NECTIN3: variants seen among roughly 807,000 people sequenced by gnomAD.
The protein encoded by NECTIN3 is nectin-3.
In NECTIN3, 8 loss-of-function variants were observed where a neutral mutation model predicts 49.4. That is an observed-to-expected ratio of 0.16 (90% CI 0.10 to 0.29). The LOEUF (loss-of-function observed/expected upper bound fraction) is 0.29, where lower values mean the gene tolerates loss of function less well. Ranked by LOEUF, NECTIN3 falls within the 10% of genes least tolerant of loss-of-function variation. NECTIN3 has a pLI of 1.00. For synonymous variants in NECTIN3, 277 were observed against 241.1 expected (o/e 1.15, Z -1.38); for missense variants, 581 against 654.6 (o/e 0.89, Z 1.23).
At chr3:111,120,179 G>A (rs2033883252) in intron 3 of NECTIN3, among the ~76,000 whole-genome samples, 1 of 151,620 alleles carries the variant, frequency 6.6e-6, no homozygotes, top group Admixed American at 6.6e-5. Flanking sequence ...GGAAGTTAAT[G>A]TATTTTGCAT....
intron 7 of NECTIN3, among the ~76,000 whole-genome samples, chr3:111,179,003 T>C (rs2035581218): frequency 6.6e-6 from 1 of 152,236 alleles, no homozygotes; most frequent in African/African-American, 2.4e-5. Flanking sequence ...AAATCTTGGC[T>C]GTAATAAAAC....
At position 111,109,982 on chromosome 3, in the gene NECTIN3, A is replaced by G. The variant is rs2033384700; in HGVS notation, c.161-2048A>G. ...GTGTTTTAAATATTAATGTTTACAA[A>G]TTAAACCCTTTTCTGCAATAAATCT... On this transcript the variant is annotated intron_variant, in intron 1 of 5. Coordinates refer to ENST00000485303, the MANE Select transcript of NECTIN3 (RefSeq NM_015480.3). Among the ~76,000 whole-genome samples the G allele has an allele frequency of 2.0e-5, 3 of 152,028 alleles. 1 individual carries two copies. Among genetic ancestry groups the G allele is most frequent in the Admixed American group, 1.3e-4 (2 of 15,260 alleles).
chr3:111,165,972 C>T (rs1426842359), intron 7 of NECTIN3, among the ~76,000 whole-genome samples: 2 of 152,152 alleles, frequency 1.3e-5, no homozygotes, highest in Non-Finnish European at 2.9e-5. Context: ...AAATTAGGTG[C>T]TTCTTGTATC....
At chr3:111,100,552 G>A (rs1017756746) in intron 1 of NECTIN3, among the ~76,000 whole-genome samples, 5 of 151,830 alleles carry the variant, frequency 3.3e-5, no homozygotes, top group East Asian at 1.9e-4. Context: ...TTCAAAATAA[G>A]AAAAAAACAG....
chr3:111,160,562 ACT>A (rs1170671953), intron 7 of NECTIN3, among the ~76,000 whole-genome samples: 2 of 151,692 alleles, frequency 1.3e-5, no homozygotes, highest in Non-Finnish European at 2.9e-5. Flanking sequence ...TTTCATATCA[ACT>A]CTTTTTTACA....
chr3:111,078,000 C>A (rs1317554074), intron 1 of NECTIN3, among the ~76,000 whole-genome samples: 1 of 152,160 alleles, frequency 6.6e-6, no homozygotes, highest in African/African-American at 2.4e-5. Context: ...ATCATTTCAG[C>A]ATGCAATTGT....
At chr3:111,087,334 A>ATT (rs1251198732) in intron 1 of NECTIN3, among the ~76,000 whole-genome samples, 1 of 152,032 alleles carries the variant, frequency 6.6e-6, no homozygotes, top group African/African-American at 2.4e-5. Context: ...ATTAAGTATA[A>ATT]TTTTTTTGTA....
At chr3:111,080,495 A>G (rs895438142) in intron 1 of NECTIN3, among the ~76,000 whole-genome samples, 4 of 152,178 alleles carry the variant, frequency 2.6e-5, no homozygotes, top group African/African-American at 9.6e-5. Flanking sequence ...CTTTGAGGAT[A>G]CTACTGTTGC....
chr3:111,104,066 T>G (rs2033052232), intron 1 of NECTIN3, among the ~76,000 whole-genome samples: 1 of 152,204 alleles, frequency 6.6e-6, no homozygotes, highest in South Asian at 2.1e-4. Flanking sequence ...TATGGTATGT[T>G]TAACTTTAAG....
At chr3:111,077,431 G>T (rs556427672) in intron 1 of NECTIN3, among the ~76,000 whole-genome samples, 7 of 151,246 alleles carry the variant, frequency 4.6e-5, no homozygotes, top group African/African-American at 1.7e-4. Flanking sequence ...TTCAGCCTAG[G>T]TTTTATCACA....
chr3:111,179,780 C>T (rs1255478526), intron 7 of NECTIN3, among the ~76,000 whole-genome samples: 1 of 151,710 alleles, frequency 6.6e-6, no homozygotes, highest in African/African-American at 2.4e-5. Context: ...GTAGTCCAAG[C>T]TACTCGGAAG....
At chr3:111,188,590 G>A (rs2035761693), upstream of NECTIN3, among the ~76,000 whole-genome samples, 1 of 152,132 alleles carries the variant, frequency 6.6e-6, no homozygotes, top group South Asian at 2.1e-4. Flanking sequence ...GAAAAAGACA[G>A]CAATGTTGTT....
intron 1 of NECTIN3, among the ~76,000 whole-genome samples, chr3:111,080,900 G>T (rs1290195733): frequency 6.6e-6 from 1 of 152,144 alleles, no homozygotes; most frequent in Non-Finnish European, 1.5e-5. Flanking sequence ...AGAAATATTA[G>T]TAAGGGCTGG....
intron 1 of NECTIN3, among the ~76,000 whole-genome samples, chr3:111,082,845 A>G (rs994542673): frequency 1.8e-4 from 28 of 152,220 alleles, no homozygotes; most frequent in African/African-American, 6.3e-4. Flanking sequence ...TCCTGCAACT[A>G]GACAGTCCCG....
intron 1 of NECTIN3, among the ~76,000 whole-genome samples, chr3:111,080,213 A>G (rs2107360687): frequency 6.6e-6 from 1 of 152,280 alleles, no homozygotes; most frequent in South Asian, 2.1e-4. Context: ...AAGATTTTCA[A>G]CTTCGGGATT....
intron 7 of NECTIN3, among the ~76,000 whole-genome samples, chr3:111,151,813 T>G (rs1281133453): frequency 2.0e-5 from 3 of 151,882 alleles, no homozygotes; most frequent in Non-Finnish European, 4.4e-5. Flanking sequence ...TTTTAGTGTA[T>G]GGATAATACA....
chr3:111,153,942 G>T (rs552380861), intron 7 of NECTIN3, among the ~76,000 whole-genome samples: 3 of 152,040 alleles, frequency 2.0e-5, no homozygotes, highest in African/African-American at 7.2e-5. Context: ...GTGATGAATG[G>T]GCAGTACCTG....
At position 111,135,694 on chromosome 3, in the gene NECTIN3, C is replaced by A; in HGVS notation, c.*1479C>A. 1 of 957,624 alleles carries A rather than the reference C, an allele frequency of 1.0e-6. No individual in the cohort carries two copies. Among genetic ancestry groups the A allele is most frequent in the Non-Finnish European group, 1.2e-6 (1 of 805,054 alleles). The allele number at this position is 957,624 out of a possible 1,614,324, so 59.3% of individuals were successfully genotyped here. Reference sequence around the variant, plus strand: ...GCAAAGTAGTAGGTACTTTTTAAACCCTCCCAACCAGCCCTTTCTCAATAT... The same window carrying A: ...GCAAAGTAGTAGGTACTTTTTAAACACTCCCAACCAGCCCTTTCTCAATAT... On this transcript the variant is annotated 3_prime_UTR_variant, in exon 6 of 6. Coordinates refer to ENST00000485303, the MANE Select transcript of NECTIN3 (RefSeq NM_015480.3).
chr3:111,154,601 A>G (rs932334148), intron 7 of NECTIN3, among the ~76,000 whole-genome samples: 8 of 152,268 alleles, frequency 5.3e-5, no homozygotes, highest in Middle Eastern at 3.4e-3. Flanking sequence ...TGGTTTTACC[A>G]TTTATGTTCC....
Sources: allele counts gnomAD v4.1 joint callset (sites outside exome capture counted in the v4.1 genomes callset), GRCh38; gene constraint gnomAD v4.1.1; transcripts MANE v1.5; gene names NCBI Gene and HGNC (gene_info 2026-07-23, HGNC 2026-07-21).